Variants in ZEB2 observed in about 807,000 individuals in gnomAD.
ZEB2 encodes zinc finger E-box binding homeobox 2.
In ZEB2, 6 loss-of-function variants were observed where a neutral mutation model predicts 99.9. The observed-to-expected ratio is 0.06, with a 90% CI of 0.03 to 0.12. The LOEUF is 0.12. Ranked by LOEUF, ZEB2 falls within the 10% of genes least tolerant of loss-of-function variation. ZEB2 has a pLI of 1.00. For synonymous variants in ZEB2, 517 were observed against 542.5 expected (o/e 0.95, Z 0.65); for missense variants, 969 against 1,502.8 (o/e 0.64, Z 5.87).
At chr2:144,486,539 C>T (rs1573792636) in intron 2 of ZEB2, among the ~76,000 whole-genome samples, 4 of 151,850 alleles carry the variant, frequency 2.6e-5, no homozygotes, top group South Asian at 2.1e-4. Flanking sequence ...TTACAAATCC[C>T]GAAAACAATT....
At chr2:144,411,119 TATATACACACAC>T (rs1486115840) in intron 4 of ZEB2, among the ~76,000 whole-genome samples, 1 of 44,600 alleles carries the variant, frequency 2.2e-5, no homozygotes, top group Non-Finnish European at 7.1e-5. Context: ...GGGCATCTCA[TATATACACACAC>T]ACACACACAC....
intron 2 of ZEB2, among the ~76,000 whole-genome samples, chr2:144,471,497 T>G (rs1704354746): frequency 6.6e-6 from 1 of 151,664 alleles, no homozygotes; most frequent in South Asian, 2.1e-4. Flanking sequence ...GTTATTGTCA[T>G]GCACACTCTT....
intron 2 of ZEB2, among the ~76,000 whole-genome samples, chr2:144,455,822 TA>T (rs1290237168): frequency 6.6e-6 from 1 of 152,272 alleles, no homozygotes; most frequent in Admixed American, 6.5e-5. Context: ...TGGGTAAGTT[TA>T]ATATCTTTCC....
intron 4 of ZEB2, among the ~76,000 whole-genome samples, chr2:144,417,482 T>C (rs1159477481): frequency 6.6e-6 from 1 of 152,206 alleles, no homozygotes; most frequent in Non-Finnish European, 1.5e-5. Context: ...AGATTCCACA[T>C]ATGAGTGAGG....
At chr2:144,481,535 T>G (rs1324952783) in intron 2 of ZEB2, among the ~76,000 whole-genome samples, 1 of 152,154 alleles carries the variant, frequency 6.6e-6, no homozygotes, top group Admixed American at 6.5e-5. Flanking sequence ...TTTTAGAACA[T>G]TCAGGGCAAG....
chr2:144,473,638 G>C (rs1162597577), intron 2 of ZEB2, among the ~76,000 whole-genome samples: 1 of 152,152 alleles, frequency 6.6e-6, no homozygotes, highest in Non-Finnish European at 1.5e-5. Context: ...ATAAGGGACT[G>C]CTAGAGAACA....
At chr2:144,511,652 T>C (rs774003589) in intron 2 of ZEB2, 54 of 1,287,162 alleles carry the variant, frequency 4.2e-5, no homozygotes, top group Non-Finnish European at 5.5e-5. Context: ...AAGCTGATGC[T>C]GTTGGCATAA....
At chr2:144,401,160 T>C in intron 7 of ZEB2, 39 bp downstream of exon 7, 1 of 1,578,626 alleles carries the variant, frequency 6.3e-7, no homozygotes. Flanking sequence ...CCTAATTAAG[T>C]AAAATGCAAA....
intron 2 of ZEB2, among the ~76,000 whole-genome samples, chr2:144,473,436 T>C (rs1486597064): frequency 1.4e-5 from 2 of 145,544 alleles, no homozygotes; most frequent in Non-Finnish European, 3.1e-5. Context: ...ACCTTGATTC[T>C]TTTTTTGGTA....
At chr2:144,479,071 C>T (rs925573648) in intron 2 of ZEB2, among the ~76,000 whole-genome samples, 4 of 152,232 alleles carry the variant, frequency 2.6e-5, no homozygotes, top group Non-Finnish European at 2.9e-5. Context: ...TAAAATCAAA[C>T]GTCATTTCCA....
rs1444672182 is a variant in ZEB2 at position 144,398,694 on chromosome 2, T to A, written c.2493A>T (p.Ile831=). The change falls in exon 8 of 10, where the codon ATA becomes ATT. Residue 831 remains isoleucine (I), a synonymous_variant. Coordinates refer to ENST00000627532, the MANE Select transcript of ZEB2 (RefSeq NM_014795.4). ...TAGCTTTTGTTTTGTTCTTTGTGGC[T>A]ATAATACTTTTGGGTTCTTTCATTT... ...PKQMKEPKSI[I]ATKNKTKASS... The A allele has an allele frequency of 6.2e-7, 1 of 1,614,036 alleles. No individual in the cohort carries two copies. Among genetic ancestry groups the A allele is most frequent in the East Asian group, 2.2e-5 (1 of 44,898 alleles).
intron 2 of ZEB2, among the ~76,000 whole-genome samples, chr2:144,455,601 C>T (rs1165303091): frequency 3.9e-5 from 6 of 152,190 alleles, no homozygotes; most frequent in Middle Eastern, 6.8e-3. Context: ...AAATGCTTCC[C>T]GGGAGGGAAT....
chr2:144,512,502 G>A (rs1705057640), intron 2 of ZEB2: 1 of 1,287,034 alleles, frequency 7.8e-7, no homozygotes, highest in South Asian at 1.2e-5. Flanking sequence ...AAGAAGGAAG[G>A]GAAACACTGA....
At chr2:144,401,075 T>A (rs1410384894) in intron 7 of ZEB2, 124 bp downstream of exon 7, 56 of 851,060 alleles carry the variant, frequency 6.6e-5, no homozygotes, top group Non-Finnish European at 1.9e-5. Flanking sequence ...GCACACAGAG[T>A]TGATGAAATA....
intron 2 of ZEB2, chr2:144,470,335 G>C (rs1704336708): frequency 6.6e-6 from 1 of 152,126 alleles, no homozygotes; most frequent in Admixed American, 6.6e-5. Flanking sequence ...CTTGAATAGA[G>C]ATCACATGAG....
At chr2:144,495,994 T>G (rs1704752578) in intron 2 of ZEB2, 2 of 152,256 alleles carry the variant, frequency 1.3e-5, no homozygotes, top group Admixed American at 1.3e-4. Flanking sequence ...TTTGGTCCCA[T>G]GACACAGCCA....
rs1472135943 is a variant in ZEB2, at chr2:144,384,265, A to G, written c.*5186T>C. 1 of 152,148 alleles carries G rather than the reference A, an allele frequency of 6.6e-6. No homozygotes were observed. Among genetic ancestry groups the G allele is most frequent in the Non-Finnish European group, 1.5e-5 (1 of 68,014 alleles). The allele number at this position is 152,148 out of a possible 1,614,324, so 9.4% of individuals were successfully genotyped here. ...ATTATAGGTAGTAGGCGACTCGTTT[A>G]ATAGAGAAAGTTTTAGCTTGTGGCA... On this transcript the variant is annotated 3_prime_UTR_variant, in exon 10 of 10. Transcript: ENST00000627532.
chr2:144,403,259 G>C (rs1703336799), intron 6 of ZEB2, among the ~76,000 whole-genome samples: 1 of 152,080 alleles, frequency 6.6e-6, no homozygotes, highest in Admixed American at 6.6e-5. Context: ...TTTTATTTTT[G>C]AGACAAGTAA....
intron 2 of ZEB2, among the ~76,000 whole-genome samples, chr2:144,505,669 T>A (rs1184281060): frequency 6.6e-6 from 1 of 152,184 alleles, no homozygotes; most frequent in African/African-American, 2.4e-5. Flanking sequence ...CCAGCCTGTC[T>A]CTGCATTTAT....
Sources: allele counts gnomAD v4.1 joint callset (sites outside exome capture counted in the v4.1 genomes callset), GRCh38; gene constraint gnomAD v4.1.1; transcripts MANE v1.5; gene names NCBI Gene and HGNC (gene_info 2026-07-23, HGNC 2026-07-21).